The following SPEN variants were observed in gnomAD, a reference collection of about 807,000 sequenced individuals.
The protein encoded by SPEN is msx2-interacting protein.
SPEN carries 18 observed loss-of-function variants against 269.9 expected under a neutral mutation model. The observed-to-expected ratio is 0.07, with a 90% CI of 0.05 to 0.10. The LOEUF is 0.10. SPEN is among the 10% of genes least tolerant of loss of function. The pLI, the probability that SPEN is intolerant of heterozygous loss-of-function variation, is 1.00. For missense variants in SPEN, 3,822 were observed against 4,631.2 expected (o/e 0.83, Z 5.07); for synonymous variants, 1,726 against 1,765.7 (o/e 0.98, Z 0.56).
chr1:15,852,457 C>G (rs1404157736), intron 1 of SPEN, among the ~76,000 whole-genome samples: 2 of 151,874 alleles, frequency 1.3e-5, no homozygotes, highest in East Asian at 3.9e-4. Context: ...CAGAATAATA[C>G]AGAAAAATTA....
intron 1 of SPEN, among the ~76,000 whole-genome samples, chr1:15,855,741 T>G (rs2070379533): frequency 6.6e-6 from 1 of 151,620 alleles, no homozygotes. Context: ...CAAGCACCTA[T>G]AATCCCAGCT....
At position 15,873,818 on chromosome 1, in the gene SPEN, G is replaced by A. The variant is rs1367285445; in HGVS notation, c.404+682G>A. On this transcript the variant is annotated intron_variant, in intron 2 of 14. Coordinates refer to ENST00000375759, the MANE Select transcript of SPEN (RefSeq NM_015001.3). ...GATGTTTCCTAAATCCTGGAATATA[G>A]CCATTCTTTTCTAATTGCTGGGATA... 4.8e-6 allele frequency: 5 copies of A among 1,037,048 alleles called. No individual in the cohort carries two copies. In the South Asian group the frequency reaches 1.1e-4, roughly 22 times the overall value. The allele number at this position is 1,037,048 out of a possible 1,614,324, so 64.2% of individuals were successfully genotyped here.
intron 3 of SPEN, among the ~76,000 whole-genome samples, chr1:15,899,462 G>A (rs1355164357): frequency 6.6e-6 from 1 of 151,772 alleles, no homozygotes; most frequent in African/African-American, 2.4e-5. Context: ...TTACAGGCGT[G>A]AGCCACTGCG....
intron 3 of SPEN, among the ~76,000 whole-genome samples, chr1:15,906,803 GTC>G (rs1487568971): frequency 7.6e-6 from 1 of 131,618 alleles, no homozygotes; most frequent in East Asian, 2.2e-4. Context: ...TTGAGACAGA[GTC>G]TCTCTCTGTT....
chr1:15,923,750 ACCT>A (rs2071140495), intron 10 of SPEN, among the ~76,000 whole-genome samples: 1 of 151,672 alleles, frequency 6.6e-6, no homozygotes, highest in East Asian at 1.9e-4. Flanking sequence ...GCTTACTGCA[ACCT>A]CTGCCTTGCT....
In SPEN at chr1:15,931,597, A is replaced by C. The variant is rs148683328; in HGVS notation, c.5357A>C (p.Asp1786Ala). The change falls in exon 11 of 15, where the codon GAT (aspartate) becomes GCT (alanine). Residue 1786 changes from aspartate (D) to alanine (A), a missense_variant. By Grantham distance (126) the Asp-to-Ala change is moderately radical (BLOSUM62 -2). Around this residue, in one of 16 missense-constraint regions of SPEN, gnomAD observed 533 missense variants for 618.8 expected, o/e 0.86. Coordinates refer to ENST00000375759, the MANE Select transcript of SPEN (RefSeq NM_015001.3). This position sits in a 1 kb window ranked among gnomAD's most constrained non-coding sequence, Gnocchi z 4.8. The stretch of plus-strand genomic sequence containing the variant: ...GACGCCACTGCAGATGCTGAGCCTG[A>C]TGCAAACCAGAAAGCCGAAGCTGCT... ...KPDATADAEP[D>A]ANQKAEAAPE... The C allele has an allele frequency of 2.5e-6, 4 of 1,614,036 alleles. No individual in the cohort carries two copies. The African/African-American group carries it at 5.3e-5, about 22-fold the overall frequency.
intron 1 of SPEN, among the ~76,000 whole-genome samples, chr1:15,852,783 CT>C (rs1412541174): frequency 2.6e-5 from 4 of 152,142 alleles, no homozygotes; most frequent in African/African-American, 4.8e-5. Context: ...CCCTTTCCCC[CT>C]AGTTTGAAAT....
intron 6 of SPEN, chr1:15,917,824 C>G (rs1313342143): frequency 6.5e-6 from 1 of 153,142 alleles, no homozygotes; most frequent in African/African-American, 2.4e-5. Flanking sequence ...GAACCACAAC[C>G]CCCAATTAAT....
In SPEN at chr1:15,850,074, G is replaced by T. The variant is rs2070318642; in HGVS notation, c.83+1924G>T. ...GAGGAAATCGTCCCAGGCAGCTTTG[G>T]AAGGGTTCTTAGTGGACGGTGCTGC... On this transcript the variant is annotated intron_variant, in intron 1 of 14. Coordinates refer to ENST00000375759, the MANE Select transcript of SPEN (RefSeq NM_015001.3). Among the ~76,000 whole-genome samples the T allele has an allele frequency of 2.0e-5, 3 of 152,160 alleles. No homozygotes were observed. In the South Asian group the frequency reaches 6.2e-4, roughly 32 times the overall value.
At chr1:15,874,799 C>T (rs2070614905) in intron 2 of SPEN, among the ~76,000 whole-genome samples, 1 of 152,042 alleles carries the variant, frequency 6.6e-6, no homozygotes, top group Non-Finnish European at 1.5e-5. Flanking sequence ...TCATTTAATA[C>T]ATTTAAGTAG....
At chr1:15,860,379 GT>G (rs1264362606) in intron 1 of SPEN, among the ~76,000 whole-genome samples, 5 of 8,192 alleles carry the variant, frequency 6.1e-4, no homozygotes, top group Non-Finnish European at 1.6e-3. Flanking sequence ...AGCTTCAGAG[GT>G]GTGTGTGTGT....
Position 15,932,718 on chromosome 1 carries a change from C to T in SPEN, c.6478C>T (p.Pro2160Ser). The T allele has an allele frequency of 6.2e-7, 1 of 1,614,126 alleles. No individual in the cohort carries two copies. The highest frequency in any genetic ancestry group is 8.5e-7 in the Non-Finnish European group (1 of 1,180,018). ...AGACGTGTCTGCCTCTGGGCCGTCC[C>T]CAGAAGCCACCCAGTTAGCCAAGCA... ...KEDVSASGPS[P>S]EATQLAKQME... The change falls in exon 11 of 15, where the codon CCA becomes TCA. Residue 2160 changes from proline (P) to serine (S), a missense_variant. Coordinates refer to ENST00000375759, the MANE Select transcript of SPEN (RefSeq NM_015001.3). The surrounding 1 kb of genome is among the most constrained non-coding windows in gnomAD (Gnocchi z 4.2).
At position 15,934,918 on chromosome 1, in the gene SPEN, A is replaced by T. The variant is rs774265475; in HGVS notation, c.8678A>T (p.Tyr2893Phe). ...ACGTTGGTACTGACCGCCCAGACAT[A>T]TAATGCCTCTCCTGTGATTTCGTCT... Reference protein sequence around the residue: ...HSTLVLTAQTYNASPVISSVK... With the variant: ...HSTLVLTAQTFNASPVISSVK... The change falls in exon 11 of 15, where the codon TAT (tyrosine) becomes TTT (phenylalanine). Residue 2893 changes from tyrosine to phenylalanine, a missense_variant. Transcript: ENST00000375759. This position sits in a 1 kb window ranked among gnomAD's most constrained non-coding sequence, Gnocchi z 9.2. 1 of 1,614,058 alleles carries T rather than the reference A, an allele frequency of 6.2e-7. No homozygotes were observed. The highest frequency in any genetic ancestry group is 1.1e-5 in the South Asian group (1 of 91,082).
chr1:15,929,128 A>C lies in SPEN; in HGVS notation c.2888A>C (p.His963Pro), dbSNP rs1205600943. 7 of 1,614,200 alleles carry C rather than the reference A, an allele frequency of 4.3e-6. No homozygotes were observed. Reference protein sequence around the residue: ...EKEGRLKARKHLKPEQPADGV... With the variant: ...EKEGRLKARKPLKPEQPADGV... Reference sequence around the variant, plus strand: ...GAAGGCAGGCTTAAAGCCAGGAAGCACCTCAAGCCTGAGCAGCCTGCAGAT... The same window carrying C: ...GAAGGCAGGCTTAAAGCCAGGAAGCCCCTCAAGCCTGAGCAGCCTGCAGAT... The change falls in exon 11 of 15, where the codon CAC becomes CCC. Residue 963 changes from histidine (H) to proline (P), a missense_variant. Coordinates refer to ENST00000375759, the MANE Select transcript of SPEN (RefSeq NM_015001.3). This position sits in a 1 kb window ranked among gnomAD's most constrained non-coding sequence, Gnocchi z 5.8.
At position 15,909,235 on chromosome 1, in the gene SPEN, C is replaced by G; in HGVS notation, c.882-86C>G. The G allele has an allele frequency of 4.2e-6, 6 of 1,426,442 alleles. No homozygotes were observed. The South Asian group carries it at 8.1e-5, about 19-fold the overall frequency. The allele number at this position is 1,426,442 out of a possible 1,614,324, so 88.4% of individuals were successfully genotyped here. A position where few individuals can be genotyped will look rare whatever the true frequency, so the allele number is the denominator to read the frequency against. On this transcript the variant is annotated intron_variant, in intron 3 of 14. Transcript: ENST00000375759. ...GAAATTCCAGTCTGAAAATTTAGACCTATTAGTTATTTTAAGAAGTTTTCT... is the reference window on the plus strand; with the variant it reads ...GAAATTCCAGTCTGAAAATTTAGACGTATTAGTTATTTTAAGAAGTTTTCT...
intron 3 of SPEN, among the ~76,000 whole-genome samples, chr1:15,903,058 C>T (rs2070918729): frequency 6.6e-6 from 1 of 152,138 alleles, no homozygotes; most frequent in African/African-American, 2.4e-5. Flanking sequence ...CACTCTTGTA[C>T]GTTAACAAAT....
intron 13 of SPEN, among the ~76,000 whole-genome samples, chr1:15,938,336 G>GAAC (rs1273126028): frequency 6.6e-6 from 1 of 152,062 alleles, no homozygotes; most frequent in African/African-American, 2.4e-5. Flanking sequence ...GGCCAGCCTT[G>GAAC]AACTCCTGAC....
At chr1:15,854,336 A>G (rs1442684397) in intron 1 of SPEN, among the ~76,000 whole-genome samples, 1 of 152,186 alleles carries the variant, frequency 6.6e-6, no homozygotes, top group Non-Finnish European at 1.5e-5. Flanking sequence ...CTGTAGTTAA[A>G]TTAACAATCT....
At chr1:15,938,964 G>C (rs558576783) in intron 14 of SPEN, 88 bp downstream of exon 14, 2 of 1,505,762 alleles carry the variant, frequency 1.3e-6, no homozygotes, top group Admixed American at 3.7e-5. Flanking sequence ...GTGCCCACTA[G>C]ATCTGGCCCC....
Sources: allele counts gnomAD v4.1 joint callset (sites outside exome capture counted in the v4.1 genomes callset), GRCh38; gene constraint gnomAD v4.1.1; regional missense constraint gnomAD v4.1.1; non-coding constraint Gnocchi (gnomAD v3.1); transcripts MANE v1.5; gene names NCBI Gene and HGNC (gene_info 2026-07-23, HGNC 2026-07-21).